Variants in AK9 observed in about 807,000 individuals in gnomAD.
AK9 encodes adenylate kinase domain containing 1.
Under a neutral mutation model 239.6 loss-of-function variants are expected in AK9, and 191 were observed. The ratio of observed to expected loss-of-function variants is 0.80; its 90% confidence interval spans 0.71 to 0.90. The LOEUF is 0.90. Ranked by LOEUF, AK9 falls within the 40% of genes least tolerant of loss-of-function variation. The probability of loss-of-function intolerance (pLI) is 0.00; values close to 1 mark genes in which losing one functional copy is unlikely to be tolerated. For missense variants in AK9, 1,995 were observed against 2,214.7 expected (o/e 0.90, Z 1.99); for synonymous variants, 689 against 721.0 (o/e 0.96, Z 0.71).
chr6:109,542,647 C>T (rs549689530), intron 26 of AK9, among the ~76,000 whole-genome samples: 14 of 152,186 alleles, frequency 9.2e-5, no homozygotes, highest in African/African-American at 1.7e-4. Context: ...TATGGTATTA[C>T]GTAGCTGATT....
At chr6:109,685,013 G>A (rs1361875186) in intron 1 of AK9, among the ~76,000 whole-genome samples, 2 of 146,862 alleles carry the variant, frequency 1.4e-5, no homozygotes, top group Non-Finnish European at 3.0e-5. Flanking sequence ...TTGGAGAAAC[G>A]CAAAACCACA....
chr6:109,531,361 A>G (rs1781228109), intron 28 of AK9, among the ~76,000 whole-genome samples: 1 of 152,028 alleles, frequency 6.6e-6, no homozygotes, highest in African/African-American at 2.4e-5. Context: ...GGGTGAGGAA[A>G]GGAAGGGGCA....
Position 109,573,482 on chromosome 6 carries a change from C to T in AK9, c.2304G>A (p.Glu768=). 6.4e-7 allele frequency: 1 copy of T among 1,551,106 alleles called. No homozygotes were observed. Residue 768 remains glutamate (E), a synonymous_variant, in exon 21 of 41, where the codon GAG becomes GAA. Coordinates refer to ENST00000424296, the MANE Select transcript of AK9 (RefSeq NM_001145128.3). The part of the protein sequence containing the change: ...HDTRGSWLPE[E]FEASEVPETE... ...TTTCAGGGACCTCAGATGCTTCAAACTCCTCAGGTAACCATGACCCTCGGG... is the reference window on the plus strand; with the variant it reads ...TTTCAGGGACCTCAGATGCTTCAAATTCCTCAGGTAACCATGACCCTCGGG...
intron 21 of AK9, 78 bp downstream of exon 21, chr6:109,573,364 G>T: frequency 7.2e-7 from 1 of 1,386,778 alleles, no homozygotes. Flanking sequence ...TTTACCAACA[G>T]GTATACATAC....
At chr6:109,518,335 A>G (rs932405638) in intron 29 of AK9, among the ~76,000 whole-genome samples, 3 of 151,958 alleles carry the variant, frequency 2.0e-5, no homozygotes, top group Non-Finnish European at 4.4e-5. Flanking sequence ...CCTTTTTATT[A>G]TATCTTGTCA....
intron 5 of AK9, among the ~76,000 whole-genome samples, chr6:109,666,480 G>C (rs1801220713): frequency 6.6e-6 from 1 of 152,180 alleles, no homozygotes; most frequent in Non-Finnish European, 1.5e-5. Flanking sequence ...CCCCAAGCCA[G>C]TCCTTGCTGG....
intron 28 of AK9, among the ~76,000 whole-genome samples, chr6:109,532,037 A>C (rs1433668528): frequency 3.3e-5 from 5 of 152,210 alleles, no homozygotes; most frequent in Non-Finnish European, 7.3e-5. Context: ...GAGCAATGAA[A>C]GAGGAACTGC....
chr6:109,662,489 T>C lies in AK9; in HGVS notation c.444+62A>G, dbSNP rs1358568301. 8 of 1,282,608 alleles carry C rather than the reference T, an allele frequency of 6.2e-6. No homozygotes were observed. The East Asian group carries it at 2.4e-4, about 38-fold the overall frequency. The allele number at this position is 1,282,608 out of a possible 1,614,324, so 79.5% of individuals were successfully genotyped here. On this transcript the variant is annotated intron_variant, in intron 6 of 40. Coordinates refer to ENST00000424296, the MANE Select transcript of AK9 (RefSeq NM_001145128.3). ...ATTTAAAAATGTTTAAAGCATTCCT[T>C]GAATTTAACTACTATCAAAAAGAAT...
At chr6:109,651,742 C>T (rs1368984877) in intron 8 of AK9, among the ~76,000 whole-genome samples, 3 of 152,018 alleles carry the variant, frequency 2.0e-5, no homozygotes, top group African/African-American at 7.2e-5. Flanking sequence ...GGGGATATCA[C>T]CACCGATCCC....
In AK9 at chr6:109,619,289, A is replaced by G. The variant is rs1044980666; in HGVS notation, c.1255-53T>C. ...ATAAGCAGGAGTTATTGTGACTATT[A>G]AACACATTGTTCATCTATCTATGTA... On this transcript the variant is annotated intron_variant, in intron 12 of 40. Coordinates refer to ENST00000424296, the MANE Select transcript of AK9 (RefSeq NM_001145128.3). 2.7e-6 allele frequency: 4 copies of G among 1,493,160 alleles called. No homozygotes were observed. The East Asian group carries it at 1.0e-4, about 37-fold the overall frequency. 92.5% of individuals were successfully genotyped at this position (1,493,160 alleles called of 1,614,324 possible).
intron 28 of AK9, among the ~76,000 whole-genome samples, chr6:109,531,231 G>A (rs1037885348): frequency 7.2e-5 from 11 of 152,194 alleles, no homozygotes; most frequent in Admixed American, 2.6e-4. Flanking sequence ...AGGAAAATTC[G>A]TGTGGAGGTA....
At chr6:109,650,624 C>T (rs1275393268) in intron 8 of AK9, among the ~76,000 whole-genome samples, 1 of 152,200 alleles carries the variant, frequency 6.6e-6, no homozygotes, top group African/African-American at 2.4e-5. Context: ...CACTTTTACA[C>T]TGTTGGTGGG....
chr6:109,505,203 T>TA (rs1441543707), intron 35 of AK9, among the ~76,000 whole-genome samples: 1 of 152,210 alleles, frequency 6.6e-6, no homozygotes, highest in African/African-American at 2.4e-5. Flanking sequence ...GTGCTGCAGT[T>TA]ATTATTGGAA....
intron 1 of AK9, chr6:109,690,381 G>A (rs1048285227): frequency 2.0e-5 from 3 of 152,234 alleles, no homozygotes; most frequent in Non-Finnish European, 4.4e-5. Context: ...CTGGTCTGGG[G>A]GTCCCCGCAG....
At chr6:109,581,775 G>C (rs569135051) in intron 19 of AK9, among the ~76,000 whole-genome samples, 1 of 152,338 alleles carries the variant, frequency 6.6e-6, no homozygotes, top group South Asian at 2.1e-4. Context: ...CTAAACAACA[G>C]ATTTTTCAAT....
chr6:109,503,858 A>T (rs1777838467), intron 35 of AK9, among the ~76,000 whole-genome samples: 1 of 152,158 alleles, frequency 6.6e-6, no homozygotes, highest in South Asian at 2.1e-4. Context: ...TGACAGGCTG[A>T]TGCGAGGGTG....
At chr6:109,644,172 T>C (rs1797764252) in intron 9 of AK9, among the ~76,000 whole-genome samples, 1 of 152,364 alleles carries the variant, frequency 6.6e-6, no homozygotes, top group South Asian at 2.1e-4. Context: ...TATTTTTGTA[T>C]TATTGAATTA....
Position 109,579,544 on chromosome 6 carries a change from G to A in AK9, c.2191+6C>T, listed in dbSNP as rs1788552890. ...CACATCATCAGTCATAGCAATCTGTGCTTGCCTTTTGCCTTCACTTTCATA... is the reference window on the plus strand; with the variant it reads ...CACATCATCAGTCATAGCAATCTGTACTTGCCTTTTGCCTTCACTTTCATA... On this transcript the variant is annotated splice_donor_region_variant and intron_variant, in intron 20 of 40. Transcript: ENST00000424296. 1 of 1,549,958 alleles carries A rather than the reference G, an allele frequency of 6.5e-7. No homozygotes were observed. Among genetic ancestry groups the A allele is most frequent in the South Asian group, 1.2e-5 (1 of 83,924 alleles).
chr6:109,609,351 C>T (rs757294510), intron 17 of AK9, among the ~76,000 whole-genome samples: 2 of 152,192 alleles, frequency 1.3e-5, no homozygotes, highest in African/African-American at 2.4e-5. Flanking sequence ...CATCTATCTG[C>T]CACTAGCACA....
Sources: allele counts gnomAD v4.1 joint callset (sites outside exome capture counted in the v4.1 genomes callset), GRCh38; gene constraint gnomAD v4.1.1; transcripts MANE v1.5; gene names NCBI Gene and HGNC (gene_info 2026-07-23, HGNC 2026-07-21).